EPHA6: variants seen among roughly 807,000 people sequenced by gnomAD.
The protein encoded by EPHA6 is ephrin type-A receptor 6.
Under a neutral mutation model 112.0 loss-of-function variants are expected in EPHA6, and 50 were observed. That is an observed-to-expected ratio of 0.45 (90% CI 0.36 to 0.56). The LOEUF (loss-of-function observed/expected upper bound fraction) is 0.56. Among genes scored for constraint, EPHA6 ranks in the 20% least tolerant of loss-of-function variants. The pLI is 0.00. For synonymous variants in EPHA6, 529 were observed against 490.7 expected, an observed-to-expected ratio of 1.08 and a Z score of -1.03; for missense variants, 1,280 against 1,417.4, an observed-to-expected ratio of 0.90 and a Z score of 1.56.
At chr3:97,637,690 T>C (rs2093960254) in intron 13 of EPHA6, among the ~76,000 whole-genome samples, 183 bp from the exon 14 acceptor site, 2 of 152,186 alleles carry the variant, frequency 1.3e-5, no homozygotes, top group East Asian at 3.8e-4. Context: ...CCAGTTAAAT[T>C]TTCCCTTTTC....
intron 9 of EPHA6, among the ~76,000 whole-genome samples, chr3:97,479,934 ATCCACC>A (rs1034068328): frequency 1.3e-5 from 2 of 152,086 alleles, no homozygotes; most frequent in South Asian, 2.1e-4. Context: ...CCTCCTCAAC[ATCCACC>A]TCCACCTCCA....
At chr3:96,959,644 C>T (rs2041887980) in intron 2 of EPHA6, among the ~76,000 whole-genome samples, 1 of 151,936 alleles carries the variant, frequency 6.6e-6, no homozygotes, top group Admixed American at 6.6e-5. Flanking sequence ...ATATTTAAGT[C>T]TATGAACCAT....
intron 3 of EPHA6, among the ~76,000 whole-genome samples, chr3:97,082,144 T>C (rs2046741705): frequency 6.6e-6 from 1 of 151,882 alleles, no homozygotes; most frequent in Non-Finnish European, 1.5e-5. Flanking sequence ...AATTAGCATA[T>C]GCATCACCTC....
intron 2 of EPHA6, among the ~76,000 whole-genome samples, chr3:96,878,156 A>G (rs1236850103): frequency 2.0e-5 from 3 of 152,012 alleles, no homozygotes; most frequent in African/African-American, 7.2e-5. Flanking sequence ...ATATCATAGT[A>G]AATAAATATG....
At chr3:96,936,179 A>G (rs533627242) in intron 2 of EPHA6, among the ~76,000 whole-genome samples, 2 of 152,214 alleles carry the variant, frequency 1.3e-5, no homozygotes, top group Admixed American at 6.6e-5. Flanking sequence ...TTTAAATGGA[A>G]AGATATTTTT....
intron 14 of EPHA6, among the ~76,000 whole-genome samples, chr3:97,708,823 C>T (rs1280028592): frequency 6.6e-6 from 1 of 152,214 alleles, no homozygotes; most frequent in Non-Finnish European, 1.5e-5. Flanking sequence ...CAAGGTACAG[C>T]TCGGGCCATT....
At chr3:96,846,373 C>G (rs964720957) in intron 1 of EPHA6, among the ~76,000 whole-genome samples, 1 of 151,958 alleles carries the variant, frequency 6.6e-6, no homozygotes, top group African/African-American at 2.4e-5. Flanking sequence ...GTGTTTCCAC[C>G]GTGTAAGATT....
intron 2 of EPHA6, among the ~76,000 whole-genome samples, chr3:96,874,100 A>G (rs2036803442): frequency 6.6e-6 from 1 of 152,070 alleles, no homozygotes; most frequent in Non-Finnish European, 1.5e-5. Context: ...GATTTTCAAC[A>G]TTGTGATGAC....
intron 2 of EPHA6, among the ~76,000 whole-genome samples, chr3:96,868,347 A>G (rs1332183515): frequency 6.6e-6 from 1 of 151,818 alleles, no homozygotes; most frequent in African/African-American, 2.4e-5. Context: ...AATGCTATTT[A>G]TAGGTTAAAA....
intron 6 of EPHA6, among the ~76,000 whole-genome samples, chr3:97,418,228 ATAC>A (rs2088295864): frequency 6.6e-6 from 1 of 151,620 alleles, no homozygotes; most frequent in African/African-American, 2.4e-5. Context: ...CTAATAAATG[ATAC>A]TAATAATTAC....
intron 12 of EPHA6, among the ~76,000 whole-genome samples, chr3:97,601,135 A>G (rs1298523964): frequency 6.6e-6 from 1 of 152,100 alleles, no homozygotes; most frequent in Non-Finnish European, 1.5e-5. Context: ...AGATATCTTC[A>G]TGTTTTATTA....
chr3:96,837,896 G>A (rs1382777879), intron 1 of EPHA6, among the ~76,000 whole-genome samples: 1 of 151,984 alleles, frequency 6.6e-6, no homozygotes, highest in African/African-American at 2.4e-5. Context: ...TTAAGTTCAA[G>A]GGTAAATATG....
At chr3:97,663,892 T>A (rs1028730701) in intron 14 of EPHA6, among the ~76,000 whole-genome samples, 2 of 152,176 alleles carry the variant, frequency 1.3e-5, no homozygotes, top group South Asian at 2.1e-4. Flanking sequence ...TAGTTCTAGA[T>A]CCCCGAGGAA....
chr3:96,966,868 A>G (rs1049417589), intron 2 of EPHA6, among the ~76,000 whole-genome samples: 11 of 151,952 alleles, frequency 7.2e-5, no homozygotes, highest in African/African-American at 2.4e-4. Flanking sequence ...ATTTTGTCCT[A>G]ATATTTACTG....
intron 5 of EPHA6, among the ~76,000 whole-genome samples, chr3:97,324,431 TTCTTTC>T (rs2082288121): frequency 6.8e-6 from 1 of 146,138 alleles, no homozygotes; most frequent in Non-Finnish European, 1.5e-5. Context: ...CTTTCTTTCT[TTCTTTC>T]TTTCTTTCTT....
intron 1 of EPHA6, among the ~76,000 whole-genome samples, chr3:96,816,234 G>T (rs1163939178): frequency 1.3e-5 from 2 of 152,078 alleles, no homozygotes; most frequent in Non-Finnish European, 2.9e-5. Context: ...GTGGTACTTT[G>T]GCATATTTTC....
chr3:96,895,583 A>G (rs889356771), intron 2 of EPHA6, among the ~76,000 whole-genome samples: 3 of 152,194 alleles, frequency 2.0e-5, no homozygotes, highest in Non-Finnish European at 4.4e-5. Context: ...ACTCAGAGCA[A>G]CTTGCAGCTC....
At chr3:97,088,399 G>A (rs978899359) in intron 3 of EPHA6, among the ~76,000 whole-genome samples, 5 of 152,124 alleles carry the variant, frequency 3.3e-5, no homozygotes, top group Non-Finnish European at 5.9e-5. Flanking sequence ...ATTCATGTGA[G>A]AAGGTCAGTC....
At chr3:96,897,416 T>C (rs928751307) in intron 2 of EPHA6, among the ~76,000 whole-genome samples, 3 of 152,160 alleles carry the variant, frequency 2.0e-5, no homozygotes, top group African/African-American at 7.2e-5. Context: ...GCTATACTTT[T>C]CTTCTGGCTT....
Sources: allele counts gnomAD v4.1 joint callset (sites outside exome capture counted in the v4.1 genomes callset), GRCh38; gene constraint gnomAD v4.1.1; transcripts MANE v1.5; gene names NCBI Gene and HGNC (gene_info 2026-07-23, HGNC 2026-07-21).